The following ERG variants were observed in gnomAD, a reference collection of about 807,000 sequenced individuals.
The protein encoded by ERG is ETS transcription factor ERG.
In ERG, 9 loss-of-function variants were observed where a neutral mutation model predicts 55.3. That is an observed-to-expected ratio of 0.16 (90% CI 0.10 to 0.28). The LOEUF (loss-of-function observed/expected upper bound fraction) is 0.28. Among genes scored for constraint, ERG ranks in the 10% least tolerant of loss-of-function variants. ERG has a pLI of 1.00. For synonymous variants in ERG, 223 were observed against 237.3 expected, an observed-to-expected ratio of 0.94 and a Z score of 0.55; for missense variants, 434 against 631.6, an observed-to-expected ratio of 0.69 and a Z score of 3.35.
At chr21:38,567,263 A>G (rs1478735322) in intron 2 of ERG, among the ~76,000 whole-genome samples, 1 of 152,230 alleles carries the variant, frequency 6.6e-6, no homozygotes, top group Admixed American at 6.5e-5. Flanking sequence ...CAGAAGGTAC[A>G]GTCCAGCTCG....
chr21:38,368,535 C>T, the ERG span, among the ~76,000 whole-genome samples: 2 of 152,152 alleles, frequency 1.3e-5, no homozygotes, highest in Non-Finnish European at 2.9e-5. Context: ...TCCCACCAGG[C>T]CCCAACTCCA....
intron 9 of ERG, 39 bp downstream of exon 9, chr21:38,390,956 A>G: frequency 6.4e-7 from 1 of 1,570,204 alleles, no homozygotes; most frequent in Non-Finnish European, 8.8e-7. Context: ...ACTGCCAAAA[A>G]GTAATTTTGT....
At chr21:38,642,336 T>C (rs1248310439) in intron 1 of ERG, among the ~76,000 whole-genome samples, 1 of 152,274 alleles carries the variant, frequency 6.6e-6, no homozygotes, top group African/African-American at 2.4e-5. Context: ...AATACTTTTG[T>C]TCATCTGTAT....
intron 2 of ERG, among the ~76,000 whole-genome samples, chr21:38,441,077 C>T (rs1465303492): frequency 6.6e-6 from 1 of 152,156 alleles, no homozygotes; most frequent in East Asian, 1.9e-4. Flanking sequence ...CCCCCTTTAC[C>T]ACCCGCTGTC....
rs147563124 is a variant in ERG at position 38,465,120 on chromosome 21, T to C, written c.19-19499A>G. ...GCTAGACTCCAAATAATTTGTCCTG[T>C]TTTTGCCTGTGGGATGTTACAAGTG... On this transcript the variant is annotated intron_variant, in intron 1 of 9. Transcript: ENST00000288319. 9.8e-5 allele frequency among the ~76,000 whole-genome samples: 15 copies of C among 152,306 alleles called. No individual in the cohort carries two copies. In the East Asian group the frequency reaches 1.9e-3, roughly 20 times the overall value.
intron 1 of ERG, among the ~76,000 whole-genome samples, chr21:38,651,496 T>A (rs1378446930): frequency 6.6e-6 from 1 of 152,200 alleles, no homozygotes; most frequent in Non-Finnish European, 1.5e-5. Flanking sequence ...TTTTGAAGAT[T>A]TCATATAGAA....
At chr21:38,619,235 A>C (rs2146939773) in intron 1 of ERG, among the ~76,000 whole-genome samples, 1 of 152,328 alleles carries the variant, frequency 6.6e-6, no homozygotes, top group Non-Finnish European at 1.5e-5. Context: ...GGAGTCTAGA[A>C]TTACAGCCCA....
chr21:38,503,657 G>A (rs2059437958), intron 2 of ERG, among the ~76,000 whole-genome samples: 1 of 152,154 alleles, frequency 6.6e-6, no homozygotes, highest in African/African-American at 2.4e-5. Context: ...CAAAAGTGCT[G>A]TATATTGTCC....
chr21:38,431,718 T>G (rs569312896), intron 2 of ERG, among the ~76,000 whole-genome samples: 1 of 152,174 alleles, frequency 6.6e-6, no homozygotes, highest in Non-Finnish European at 1.5e-5. Flanking sequence ...TCAGCAGAAA[T>G]AAAGCTCTCC....
intron 2 of ERG, among the ~76,000 whole-genome samples, chr21:38,507,009 A>C (rs1258559661): frequency 6.6e-6 from 1 of 152,044 alleles, no homozygotes; most frequent in African/African-American, 2.4e-5. Flanking sequence ...ACTAGATGGG[A>C]GGAGGCCCGG....
At chr21:38,392,743 A>G (rs946232825) in intron 6 of ERG, among the ~76,000 whole-genome samples, 1 of 152,196 alleles carries the variant, frequency 6.6e-6, no homozygotes, top group South Asian at 2.1e-4. Context: ...GTTTCTTACA[A>G]TCTAGTTCAT....
chr21:38,491,206 TAA>T (rs113260996), intron 1 of ERG, among the ~76,000 whole-genome samples: 256 of 124,170 alleles, frequency 2.1e-3, no homozygotes, highest in Middle Eastern at 4.0e-3. Context: ...CTGTCAAAAT[TAA>T]AAAAAAAAAA....
chr21:38,394,477 T>C (rs1343121429), intron 6 of ERG, among the ~76,000 whole-genome samples: 1 of 151,988 alleles, frequency 6.6e-6, no homozygotes, highest in East Asian at 1.9e-4. Flanking sequence ...CTCAGCCTCC[T>C]GAGTAGCTGG....
At chr21:38,439,639 A>G (rs1208128398) in intron 2 of ERG, among the ~76,000 whole-genome samples, 1 of 152,236 alleles carries the variant, frequency 6.6e-6, no homozygotes, top group Non-Finnish European at 1.5e-5. Context: ...ACTGTCTGCA[A>G]GAATGCTGCT....
intron 3 of ERG, among the ~76,000 whole-genome samples, chr21:38,410,150 A>G (rs1002733373): frequency 2.6e-5 from 4 of 152,264 alleles, no homozygotes; most frequent in Admixed American, 1.3e-4. Flanking sequence ...TCGATTTTGC[A>G]TTGCAAACTC....
chr21:38,631,689 A>G (rs951462174), intron 1 of ERG, among the ~76,000 whole-genome samples: 5 of 151,896 alleles, frequency 3.3e-5, no homozygotes, highest in Non-Finnish European at 7.4e-5. Flanking sequence ...TTCACCCCTC[A>G]TTTTGGCAGC....
chr21:38,615,527 G>C (rs1044734667), intron 1 of ERG, among the ~76,000 whole-genome samples: 4 of 151,632 alleles, frequency 2.6e-5, no homozygotes, highest in East Asian at 3.9e-4. Context: ...TTCAGAGTTA[G>C]TTCTGGTTCT....
At chr21:38,527,619 G>A (rs1449767249) in intron 2 of ERG, among the ~76,000 whole-genome samples, 1 of 152,082 alleles carries the variant, frequency 6.6e-6, no homozygotes, top group East Asian at 1.9e-4. Context: ...CAGGCATGGA[G>A]CCCCACCCCC....
chr21:38,637,800 A>T (rs2060399158), intron 1 of ERG, among the ~76,000 whole-genome samples: 1 of 151,384 alleles, frequency 6.6e-6, no homozygotes, highest in African/African-American at 2.4e-5. Flanking sequence ...CTGTCTCTTC[A>T]CAAGTTCTTT....
Sources: allele counts gnomAD v4.1 joint callset (sites outside exome capture counted in the v4.1 genomes callset), GRCh38; gene constraint gnomAD v4.1.1; transcripts MANE v1.5; gene names NCBI Gene and HGNC (gene_info 2026-07-23, HGNC 2026-07-21).